The following KDM4C variants were observed in gnomAD, a reference collection of about 807,000 sequenced individuals.
The protein encoded by KDM4C is lysine-specific demethylase 4C.
A neutral mutation model predicts 129.3 loss-of-function variants in KDM4C; 81 were observed. The ratio of observed to expected loss-of-function variants is 0.63; its 90% CI spans 0.52 to 0.75. The LOEUF (loss-of-function observed/expected upper bound fraction) is 0.75. Among genes scored for constraint, KDM4C ranks in the 30% least tolerant of loss-of-function variants. The pLI is 0.00. For synonymous variants in KDM4C, 573 were observed against 456.1 expected (o/e 1.26, Z -3.26); for missense variants, 1,457 against 1,304.0 (o/e 1.12, Z -1.81).
chr9:6,772,952 T>A (rs1306073036), intron 1 of KDM4C, among the ~76,000 whole-genome samples: 3 of 152,054 alleles, frequency 2.0e-5, no homozygotes, highest in Non-Finnish European at 2.9e-5. Flanking sequence ...CACCTCGGCC[T>A]CCCCAAGTGC....
chr9:6,763,066 G>A lies in KDM4C; in HGVS notation c.-18+4863G>A, dbSNP rs545261027. On this transcript the variant is annotated intron_variant, in intron 1 of 21. Transcript: ENST00000381309. ...GATGGATGGGGGGTAGAGGGGGCGT[G>A]GTTACGATCTTCTAAATCCACACTT... is the stretch of plus-strand genomic sequence containing the variant. Among the ~76,000 whole-genome samples, 3 of 152,012 alleles carry A rather than the reference G, an allele frequency of 2.0e-5. No individual in the cohort carries two copies. In the South Asian group the frequency reaches 6.2e-4, roughly 32 times the overall value.
chr9:7,025,770 C>G (rs191298371), intron 15 of KDM4C, among the ~76,000 whole-genome samples: 304 of 152,282 alleles, frequency 2.0e-3, no homozygotes, highest in African/African-American at 7.1e-3. Context: ...TTTAGTCTTT[C>G]TCCTTAAGAT....
chr9:7,077,615 C>A (rs1216365846), intron 17 of KDM4C, among the ~76,000 whole-genome samples: 1 of 152,174 alleles, frequency 6.6e-6, no homozygotes, highest in Non-Finnish European at 1.5e-5. Context: ...ATTTTGCTGG[C>A]TGTACTGCCT....
intron 18 of KDM4C, among the ~76,000 whole-genome samples, chr9:7,105,044 T>G (rs1212461064): frequency 6.6e-6 from 1 of 152,168 alleles, no homozygotes; most frequent in African/African-American, 2.4e-5. Context: ...AAGTTGCATA[T>G]TCATTCATGC....
intron 11 of KDM4C, among the ~76,000 whole-genome samples, chr9:6,987,784 T>TA (rs1013207666): frequency 6.6e-6 from 1 of 151,914 alleles, no homozygotes; most frequent in Non-Finnish European, 1.5e-5. Context: ...ATATGAAAGA[T>TA]AAAAAAAATA....
upstream of KDM4C, among the ~76,000 whole-genome samples, chr9:6,755,154 A>G (rs908314651): frequency 2.6e-5 from 4 of 152,136 alleles, no homozygotes; most frequent in Admixed American, 2.0e-4. Context: ...AGTGGATCAC[A>G]AGGTCAGGAG....
At chr9:6,980,642 G>T (rs933107102) in intron 8 of KDM4C, among the ~76,000 whole-genome samples, 1 of 152,010 alleles carries the variant, frequency 6.6e-6, no homozygotes, top group Non-Finnish European at 1.5e-5. Context: ...TCCATTGCAG[G>T]CGTGCTTCCA....
chr9:6,802,175 C>T (rs186158292), intron 2 of KDM4C, among the ~76,000 whole-genome samples: 9 of 151,242 alleles, frequency 6.0e-5, no homozygotes, highest in African/African-American at 1.7e-4. Context: ...TTCATTTATT[C>T]GGAAAATACA....
At chr9:7,138,569 C>T (rs1841440096) in intron 19 of KDM4C, among the ~76,000 whole-genome samples, 1 of 152,138 alleles carries the variant, frequency 6.6e-6, no homozygotes, top group South Asian at 2.1e-4. Flanking sequence ...AATCCCAGCG[C>T]TTTGGGGCAC....
At chr9:7,030,799 A>G (rs1564011445) in intron 15 of KDM4C, among the ~76,000 whole-genome samples, 1 of 152,200 alleles carries the variant, frequency 6.6e-6, no homozygotes, top group Non-Finnish European at 1.5e-5. Flanking sequence ...AAAAGCAGCT[A>G]TCCATTATAC....
chr9:6,746,008 G>T (rs1392185812), intron 1 of KDM4C, among the ~76,000 whole-genome samples: 1 of 151,928 alleles, frequency 6.6e-6, no homozygotes, highest in African/African-American at 2.4e-5. Flanking sequence ...GTTTCACCAT[G>T]TTGGTCAGGC....
chr9:7,058,574 C>G (rs1167017746), intron 17 of KDM4C, among the ~76,000 whole-genome samples: 1 of 152,136 alleles, frequency 6.6e-6, no homozygotes, highest in Non-Finnish European at 1.5e-5. Context: ...TACCATACAT[C>G]AAACCAAGGC....
At chr9:6,813,516 T>A (rs1831541526) in intron 3 of KDM4C, among the ~76,000 whole-genome samples, 2 of 152,198 alleles carry the variant, frequency 1.3e-5, no homozygotes, top group Non-Finnish European at 2.9e-5. Context: ...TGAGTGTAGA[T>A]GTCGGTTATT....
chr9:7,151,983 C>T (rs1288801769), intron 19 of KDM4C, among the ~76,000 whole-genome samples: 4 of 152,194 alleles, frequency 2.6e-5, no homozygotes, highest in Admixed American at 2.0e-4. Context: ...AGATAACCTC[C>T]TAGAACAGCA....
chr9:7,067,688 C>T (rs1490347522), intron 17 of KDM4C, among the ~76,000 whole-genome samples: 7 of 152,144 alleles, frequency 4.6e-5, no homozygotes, highest in African/African-American at 1.2e-4. Context: ...ACATGCTTAT[C>T]TTCAAAATAT....
At chr9:6,843,969 G>A (rs1412406603) in intron 4 of KDM4C, among the ~76,000 whole-genome samples, 1 of 152,028 alleles carries the variant, frequency 6.6e-6, no homozygotes, top group East Asian at 1.9e-4. Flanking sequence ...GAGTAGCTGG[G>A]ACCTGTGGCA....
intron 16 of KDM4C, 48 bp from the exon 17 acceptor site, chr9:7,049,044 G>T: frequency 2.4e-6 from 3 of 1,266,664 alleles, no homozygotes; most frequent in Non-Finnish European, 2.3e-6. Context: ...GTTGAAGTAT[G>T]TAAGTTTAGG....
At chr9:7,137,009 C>G (rs1157156212) in intron 19 of KDM4C, among the ~76,000 whole-genome samples, 1 of 152,164 alleles carries the variant, frequency 6.6e-6, no homozygotes, top group Non-Finnish European at 1.5e-5. Context: ...TTAAATAAAT[C>G]AGAAACCTCT....
intron 6 of KDM4C, among the ~76,000 whole-genome samples, chr9:6,886,989 C>T (rs1845398992): frequency 1.3e-5 from 2 of 152,218 alleles, no homozygotes; most frequent in Non-Finnish European, 1.5e-5. Flanking sequence ...CCAGCAGTTT[C>T]CCCCCTCATT....
Sources: gnomAD v4.1 joint callset for allele counts (sites outside exome capture counted in the v4.1 genomes callset) on GRCh38, gnomAD v4.1.1 for gene constraint, MANE v1.5 for transcripts, NCBI Gene and HGNC (gene_info 2026-07-23, HGNC 2026-07-21) for gene names.